Variants in PCDH11Y observed in about 807,000 individuals in gnomAD.
The protein encoded by PCDH11Y is protocadherin 11 Y-linked.
For missense variants in PCDH11Y, 12 were observed against 224.8 expected (o/e 0.05, Z 6.05); for synonymous variants, 9 against 83.6 (o/e 0.11, Z 4.87).
chrY:5,634,204 A>T (rs2053515569), intron 4 of PCDH11Y, among the ~76,000 whole-genome samples: 1 of 11,940 alleles, frequency 8.4e-5, no homozygotes. Flanking sequence ...ACAGAGCGAG[A>T]TTCCACCTCA....
chrY:5,711,713 C>T (rs2053586776), intron 4 of PCDH11Y, among the ~76,000 whole-genome samples: 3 of 32,662 alleles, frequency 9.2e-5, no homozygotes, highest in African/African-American at 2.4e-4. Context: ...TCGCTTGAAC[C>T]GGGGAAGCGG....
At chrY:5,028,010 C>T (rs2052581540) in intron 1 of PCDH11Y, among the ~76,000 whole-genome samples, 1 of 32,998 alleles carries the variant, frequency 3.0e-5, no homozygotes, top group African/African-American at 1.2e-4. Flanking sequence ...GAATTTTAGT[C>T]TCACTGAAAA....
At chrY:5,255,855 A>G in intron 2 of PCDH11Y, among the ~76,000 whole-genome samples, 2 of 33,656 alleles carry the variant, frequency 5.9e-5, no homozygotes, top group Non-Finnish European at 1.5e-4. Flanking sequence ...AGAAATATCT[A>G]TTGAAATCTT....
At chrY:5,393,966 G>A in intron 2 of PCDH11Y, among the ~76,000 whole-genome samples, 1 of 31,657 alleles carries the variant, frequency 3.2e-5, no homozygotes. Context: ...ACACACTTGG[G>A]CATAGCTGAA....
At chrY:5,093,077 A>G (rs1470462844) in intron 1 of PCDH11Y, among the ~76,000 whole-genome samples, 166 of 32,944 alleles carry the variant, frequency 5.0e-3, no homozygotes, top group Admixed American at 0.01. Context: ...GACAAAATAT[A>G]TGGCTCTCTA....
intron 2 of PCDH11Y, among the ~76,000 whole-genome samples, chrY:5,202,586 A>T: frequency 3.0e-5 from 1 of 32,871 alleles, no homozygotes; most frequent in Non-Finnish European, 7.5e-5. Context: ...TCACTTCTCT[A>T]TTGCATGAGG....
At chrY:5,367,093 C>A in intron 2 of PCDH11Y, among the ~76,000 whole-genome samples, 2 of 32,869 alleles carry the variant, frequency 6.1e-5, no homozygotes, top group Admixed American at 2.8e-4. Flanking sequence ...AGGTCAAATG[C>A]AGAAATAGGG....
chrY:5,097,420 T>TA (rs571096434), intron 1 of PCDH11Y, among the ~76,000 whole-genome samples: 1 of 33,369 alleles, frequency 3.0e-5, no homozygotes, highest in Admixed American at 2.8e-4. Context: ...AAATCTACAG[T>TA]AAAAAATATT....
chrY:5,453,839 C>G, intron 2 of PCDH11Y, among the ~76,000 whole-genome samples: 1 of 30,136 alleles, frequency 3.3e-5, no homozygotes, highest in Admixed American at 3.1e-4. Context: ...ACCCCATGAT[C>G]CAGTCACCTC....
intron 4 of PCDH11Y, among the ~76,000 whole-genome samples, chrY:5,603,851 A>C: frequency 6.4e-5 from 1 of 15,547 alleles, no homozygotes; most frequent in African/African-American, 2.7e-4. Context: ...GAGAGAAAGA[A>C]AGAAAAAGAA....
At chrY:5,142,826 T>A in intron 2 of PCDH11Y, among the ~76,000 whole-genome samples, 1 of 33,474 alleles carries the variant, frequency 3.0e-5, no homozygotes, top group South Asian at 6.7e-4. Flanking sequence ...GTCTATAAAT[T>A]AAATTTTAAG....
At chrY:5,016,341 C>G in intron 1 of PCDH11Y, among the ~76,000 whole-genome samples, 1 of 32,399 alleles carries the variant, frequency 3.1e-5, no homozygotes, top group Non-Finnish European at 7.5e-5. Context: ...GGTCAGTGTG[C>G]TTTTCACTAT....
At chrY:5,244,928 G>C in intron 2 of PCDH11Y, among the ~76,000 whole-genome samples, 1 of 33,688 alleles carries the variant, frequency 3.0e-5, no homozygotes, top group South Asian at 6.7e-4. Context: ...AGCCAGGGAG[G>C]CTGGATGGCT....
At chrY:5,699,889 G>A in intron 4 of PCDH11Y, among the ~76,000 whole-genome samples, 1 of 33,012 alleles carries the variant, frequency 3.0e-5, no homozygotes, top group African/African-American at 1.2e-4. Flanking sequence ...ATGATTTCCC[G>A]AGTTTGGTAA....
chrY:5,321,789 C>T, intron 2 of PCDH11Y, among the ~76,000 whole-genome samples: 4 of 30,905 alleles, frequency 1.3e-4, no homozygotes, highest in Admixed American at 6.1e-4. Flanking sequence ...GGAAACATAC[C>T]GAGACCCATC....
chrY:5,219,804 C>A (rs2052950684), intron 2 of PCDH11Y, among the ~76,000 whole-genome samples: 2 of 33,314 alleles, frequency 6.0e-5, no homozygotes, highest in African/African-American at 2.3e-4. Flanking sequence ...AACAAAAAAA[C>A]AAACAAAAAA....
chrY:5,137,679 C>T (rs370973688), intron 2 of PCDH11Y, among the ~76,000 whole-genome samples: 1 of 33,057 alleles, frequency 3.0e-5, no homozygotes, highest in East Asian at 8.0e-4. Context: ...CAAAAAGGGA[C>T]ATCATATAAT....
intron 2 of PCDH11Y, among the ~76,000 whole-genome samples, chrY:5,385,363 C>G: frequency 1.3e-4 from 4 of 30,459 alleles, no homozygotes; most frequent in Non-Finnish European, 3.1e-4. Context: ...ATTCTCACAG[C>G]TTAGCTCCCG....
intron 2 of PCDH11Y, among the ~76,000 whole-genome samples, chrY:5,122,225 C>T: frequency 3.0e-5 from 1 of 33,091 alleles, no homozygotes; most frequent in Non-Finnish European, 7.4e-5. Context: ...TATACTATTC[C>T]CTACCTCCAT....
Sources: gnomAD v4.1 joint callset for allele counts (sites outside exome capture counted in the v4.1 genomes callset) on GRCh38, gnomAD v4.1.1 for gene constraint, MANE v1.5 for transcripts, NCBI Gene and HGNC (gene_info 2026-07-23, HGNC 2026-07-21) for gene names.